DAB1: variants seen among roughly 807,000 people sequenced by gnomAD.
The protein encoded by DAB1 is DAB adaptor protein 1, also known as disabled homolog 1.
A neutral mutation model predicts 64.6 loss-of-function variants in DAB1; 15 were observed. The ratio of observed to expected loss-of-function variants is 0.23; its 90% CI spans 0.16 to 0.36. The LOEUF (loss-of-function observed/expected upper bound fraction) is 0.36. Among genes scored for constraint, DAB1 ranks in the 10% least tolerant of loss-of-function variants. The pLI is 1.00. For missense variants in DAB1, 596 were observed against 706.7 expected (o/e 0.84, Z 1.78); for synonymous variants, 235 against 251.9 (o/e 0.93, Z 0.64).
chr1:57,367,787 C>A (rs1570383683), intron 1 of DAB1, among the ~76,000 whole-genome samples: 1 of 152,274 alleles, frequency 6.6e-6, no homozygotes, highest in East Asian at 1.9e-4. Flanking sequence ...CCACCCAAGT[C>A]ATGGCTGCAG....
intron 4 of DAB1, among the ~76,000 whole-genome samples, chr1:57,098,620 C>T (rs190669131): frequency 6.6e-6 from 1 of 152,274 alleles, no homozygotes; most frequent in Non-Finnish European, 1.5e-5. Context: ...TCTGATTTAT[C>T]ATGCATACAT....
Position 57,292,439 on chromosome 1 carries a change from A to C in DAB1, c.-136-1273T>G, listed in dbSNP as rs539047450. 7.2e-5 allele frequency among the ~76,000 whole-genome samples: 11 copies of C among 152,298 alleles called. No individual in the cohort carries two copies. The East Asian group carries it at 1.9e-3, about 27-fold the overall frequency. On this transcript the variant is annotated intron_variant, in intron 1 of 14. Transcript: ENST00000371236. ...CTAAGGCTACAACTAAGAAAAACAG[A>C]AAGTTATCTTTGTAAAACAGGGTCC... is the stretch of plus-strand genomic sequence containing the variant.
At chr1:57,429,873 C>A (rs950097239) in intron 7 of DAB1, among the ~76,000 whole-genome samples, 1 of 152,090 alleles carries the variant, frequency 6.6e-6, no homozygotes, top group Admixed American at 6.6e-5. Flanking sequence ...CAGTATCATA[C>A]TATTTTGATT....
chr1:58,430,139 C>T (rs1414314898), intron 3 of DAB1, among the ~76,000 whole-genome samples: 1 of 152,178 alleles, frequency 6.6e-6, no homozygotes, highest in African/African-American at 2.4e-5. Flanking sequence ...TTGCAGGGGG[C>T]ACAAAGCCAG....
intron 3 of DAB1, among the ~76,000 whole-genome samples, chr1:58,378,724 G>T (rs1355049129): frequency 3.3e-5 from 3 of 91,776 alleles, no homozygotes; most frequent in African/African-American, 1.8e-4. Flanking sequence ...CGAGCTTCCC[G>T]GCTGCTTTGT....
At chr1:57,045,084 A>G (rs769796526) in intron 9 of DAB1, among the ~76,000 whole-genome samples, 62 of 152,240 alleles carry the variant, frequency 4.1e-4, no homozygotes, top group Admixed American at 1.1e-3. Flanking sequence ...ATTTTCACCT[A>G]AAGTGGGTTA....
intron 4 of DAB1, among the ~76,000 whole-genome samples, chr1:58,302,486 G>GA: frequency 6.6e-6 from 1 of 152,064 alleles, no homozygotes; most frequent in Non-Finnish European, 1.5e-5. Flanking sequence ...TCCATGGGTG[G>GA]AAAAAATCAA....
At chr1:58,243,592 C>T (rs780385738) in intron 4 of DAB1, among the ~76,000 whole-genome samples, 163 of 152,124 alleles carry the variant, frequency 1.1e-3, no homozygotes, top group Non-Finnish European at 1.1e-3. Context: ...GCCTAAATGT[C>T]ACCAAGTAAT....
intron 5 of DAB1, among the ~76,000 whole-genome samples, chr1:58,031,604 C>T (rs929772256): frequency 6.6e-6 from 1 of 152,192 alleles, no homozygotes; most frequent in African/African-American, 2.4e-5. Flanking sequence ...TACACAAATG[C>T]TTAAACCCTG....
chr1:58,206,370 T>C (rs551401852), intron 4 of DAB1, among the ~76,000 whole-genome samples: 5 of 152,350 alleles, frequency 3.3e-5, no homozygotes, highest in African/African-American at 9.6e-5. Flanking sequence ...GGAAAATTCA[T>C]TGGGAGGAAA....
At chr1:57,521,095 T>C (rs1644520681) in intron 7 of DAB1, among the ~76,000 whole-genome samples, 1 of 152,150 alleles carries the variant, frequency 6.6e-6, no homozygotes, top group Admixed American at 6.5e-5. Flanking sequence ...AAGAATGAAC[T>C]AGAACCAGAG....
At chr1:57,295,952 G>C (rs1481039754) in intron 1 of DAB1, among the ~76,000 whole-genome samples, 1 of 152,110 alleles carries the variant, frequency 6.6e-6, no homozygotes, top group Non-Finnish European at 1.5e-5. Context: ...ACAGGTGGAA[G>C]AGAAAAAACT....
rs530722676 is a variant in DAB1 at position 57,652,094 on chromosome 1, G to A, written n.552-2429C>T. On this transcript the variant is annotated intron_variant and non_coding_transcript_variant, in intron 6 of 20. Transcript: ENST00000485760. ...ATAGAGAAACCTGAATTTTGCTAAG[G>A]TGTAGACAAATAATTGCCAGCTATT... 7.2e-5 allele frequency among the ~76,000 whole-genome samples: 11 copies of A among 152,270 alleles called. No individual in the cohort carries two copies. In the South Asian group the frequency reaches 2.1e-3, roughly 29 times the overall value.
chr1:57,660,157 C>A (rs2101667895), intron 6 of DAB1, among the ~76,000 whole-genome samples: 1 of 152,082 alleles, frequency 6.6e-6, no homozygotes, highest in African/African-American at 2.4e-5. Flanking sequence ...TAATATCTAA[C>A]CCAATACTCA....
chr1:57,915,178 G>T (rs1215212843), intron 5 of DAB1, among the ~76,000 whole-genome samples: 1 of 145,644 alleles, frequency 6.9e-6, no homozygotes, highest in Non-Finnish European at 1.5e-5. Flanking sequence ...AGGAAAAAAA[G>T]AACTGGAAAG....
At chr1:57,322,552 A>G (rs964258595) in intron 1 of DAB1, among the ~76,000 whole-genome samples, 2 of 152,152 alleles carry the variant, frequency 1.3e-5, no homozygotes, top group Non-Finnish European at 2.9e-5. Context: ...ATATGGCTCA[A>G]TTCTTCACAC....
intron 2 of DAB1, among the ~76,000 whole-genome samples, chr1:57,261,817 T>C (rs1266438207): frequency 2.6e-5 from 4 of 152,188 alleles, no homozygotes; most frequent in African/African-American, 9.6e-5. Flanking sequence ...GCCTATTAAA[T>C]AATAATAAGT....
chr1:57,123,285 C>T (rs1656831520), intron 4 of DAB1, among the ~76,000 whole-genome samples: 1 of 152,078 alleles, frequency 6.6e-6, no homozygotes, highest in African/African-American at 2.4e-5. Context: ...TCTTAATATC[C>T]TTTGGCGTCA....
chr1:57,719,265 T>TA (rs1647122507), intron 6 of DAB1, among the ~76,000 whole-genome samples: 1 of 152,202 alleles, frequency 6.6e-6, no homozygotes, highest in South Asian at 2.1e-4. Flanking sequence ...TGTTCTCCTT[T>TA]AAAAAATGCT....
Sources: allele counts gnomAD v4.1 joint callset (sites outside exome capture counted in the v4.1 genomes callset), GRCh38; gene constraint gnomAD v4.1.1; transcripts MANE v1.5; gene names NCBI Gene and HGNC (gene_info 2026-07-23, HGNC 2026-07-21).